EXOSC2: variants seen among roughly 807,000 people sequenced by gnomAD.
EXOSC2 encodes the protein exosome complex component RRP4.
In EXOSC2, 29 loss-of-function variants were observed where a neutral mutation model predicts 37.6. That is an observed-to-expected ratio of 0.77 (90% CI 0.57 to 1.05). The LOEUF is 1.05. Ranked by LOEUF, EXOSC2 falls within the 50% of genes least tolerant of loss-of-function variation. The pLI is 0.00. For synonymous variants in EXOSC2, 119 were observed against 131.1 expected (o/e 0.91, Z 0.63); for missense variants, 346 against 365.6 (o/e 0.95, Z 0.44).
intron 7 of EXOSC2, among the ~76,000 whole-genome samples, chr9:130,702,781 G>A (rs1831246477): frequency 6.6e-6 from 1 of 152,126 alleles, no homozygotes; most frequent in South Asian, 2.1e-4. Flanking sequence ...TTTTAGTAGA[G>A]ATGGGGTTTC....
intron 2 of EXOSC2, 161 bp downstream of exon 2, chr9:130,695,754 C>T: frequency 1.6e-6 from 1 of 631,982 alleles, no homozygotes; most frequent in Non-Finnish European, 2.8e-6. Context: ...CAGATCAGTG[C>T]AGGCTTCAGA....
intron 2 of EXOSC2, among the ~76,000 whole-genome samples, chr9:130,696,567 G>A (rs940516380): frequency 6.7e-6 from 1 of 149,616 alleles, no homozygotes; most frequent in African/African-American, 2.5e-5. Context: ...GTGGAAGGTG[G>A]AGGAGTGATT....
chr9:130,702,594 T>TTTG (rs1479837474), intron 7 of EXOSC2, among the ~76,000 whole-genome samples: 1 of 74,880 alleles, frequency 1.3e-5, no homozygotes, highest in African/African-American at 7.9e-5. Context: ...TGTTTGTTTG[T>TTTG]TTTGTTTTGT....
Position 130,694,016 on chromosome 9 carries a change from C to G in EXOSC2, c.122+103C>G. ...CCTGTGTGTGTAACTCCCCGCGGGACCCAGGGCACTTCGTCTGAGCATCCT... is the reference window on the plus strand; with the variant it reads ...CCTGTGTGTGTAACTCCCCGCGGGAGCCAGGGCACTTCGTCTGAGCATCCT... On this transcript the variant is annotated intron_variant, in intron 1 of 8. Transcript: ENST00000372358. The surrounding 1 kb of genome is among the most constrained non-coding windows in gnomAD (Gnocchi z 4.0). The G allele has an allele frequency of 7.2e-7, 1 of 1,387,062 alleles. No homozygotes were observed. Among genetic ancestry groups the G allele is most frequent in the Non-Finnish European group, 9.6e-7 (1 of 1,039,602 alleles). 85.9% of individuals were successfully genotyped at this position (1,387,062 alleles called of 1,614,324 possible).
Position 130,703,691 on chromosome 9 carries a change from C to T in EXOSC2, c.802-3C>T. On this transcript the variant is annotated splice_polypyrimidine_tract_variant and splice_region_variant and intron_variant, in intron 8 of 8. Coordinates refer to ENST00000372358, the MANE Select transcript of EXOSC2 (RefSeq NM_014285.7). ...CTGAACAAATGCCTTTTCCCTTTTT[C>T]AGATCAAAGACATCTTAAAGCCAGA... 1 of 1,609,544 alleles carries T rather than the reference C, an allele frequency of 6.2e-7. No homozygotes were observed. Among genetic ancestry groups the T allele is most frequent in the Non-Finnish European group, 8.5e-7 (1 of 1,178,270 alleles).
Position 130,699,414 on chromosome 9 carries a change from C to T in EXOSC2, c.426+20C>T. Reference sequence around the variant, plus strand: ...ATCAGTGTATCCTGCGCTTTGCACTCCAGCCTCTTGATGCTTTTCTGTGGG... The same window carrying T: ...ATCAGTGTATCCTGCGCTTTGCACTTCAGCCTCTTGATGCTTTTCTGTGGG... On this transcript the variant is annotated intron_variant, in intron 5 of 8. Coordinates refer to ENST00000372358, the MANE Select transcript of EXOSC2 (RefSeq NM_014285.7). 1 of 1,612,470 alleles carries T rather than the reference C, an allele frequency of 6.2e-7. No individual in the cohort carries two copies. The highest frequency in any genetic ancestry group is 8.5e-7 in the Non-Finnish European group (1 of 1,178,482).
chr9:130,698,415 C>T lies in EXOSC2; in HGVS notation c.360+164C>T, dbSNP rs748793388. Among the ~76,000 whole-genome samples the T allele has an allele frequency of 6.6e-6, 1 of 152,180 alleles. No homozygotes were observed. Among genetic ancestry groups the T allele is most frequent in the Non-Finnish European group, 1.5e-5 (1 of 68,036 alleles). ...CCTAGATGTGTATGTAGACTTTTCA[C>T]CCTGTCCAGGTCTCCCGAAAGAGGG... On this transcript the variant is annotated intron_variant, in intron 4 of 8. Transcript: ENST00000372358. This position sits in a 1 kb window ranked among gnomAD's most constrained non-coding sequence, Gnocchi z 4.1.
intron 3 of EXOSC2, chr9:130,697,828 C>G (rs903026923): frequency 1.0e-4 from 59 of 581,396 alleles, no homozygotes; most frequent in Admixed American, 2.2e-4. Context: ...GAGTCTCGCT[C>G]TGTCGCCCAG....
At chr9:130,695,453 AC>A (rs1369100265) in intron 1 of EXOSC2, 38 bp from the exon 2 acceptor site, 12 of 1,553,982 alleles carry the variant, frequency 7.7e-6, no homozygotes, top group Admixed American at 3.3e-5. Flanking sequence ...ATTTCGAGTT[AC>A]CCTCGTATCC....
chr9:130,701,611 C>T, intron 6 of EXOSC2: 4 of 986,752 alleles, frequency 4.1e-6, no homozygotes, highest in Non-Finnish European at 4.8e-6. Flanking sequence ...AGTATGCTGA[C>T]TTTCACAACC....
In EXOSC2 at chr9:130,693,812, T is replaced by G; in HGVS notation, c.21T>G (p.Leu7=). Residue 7 remains leucine (L), a synonymous_variant, in exon 1 of 9, where the codon CTT becomes CTG. Coordinates refer to ENST00000372358, the MANE Select transcript of EXOSC2 (RefSeq NM_014285.7). ...CCAAGATGGCGATGGAGATGAGGCT[T>G]CCAGTGGCTCGCAAGCCTCTTAGCG... MAMEMR[L]PVARKPLSER... 6.2e-7 allele frequency: 1 copy of G among 1,608,696 alleles called. No individual in the cohort carries two copies. The highest frequency in any genetic ancestry group is 2.2e-5 in the East Asian group (1 of 44,630).
chr9:130,703,594 C>T (rs1014183193), intron 8 of EXOSC2, 100 bp from the exon 9 acceptor site: 1 of 903,770 alleles, frequency 1.1e-6, no homozygotes, highest in Non-Finnish European at 1.7e-6. Flanking sequence ...GAAAGGAATA[C>T]AGAAAGTTTA....
In EXOSC2 at chr9:130,698,305, G is replaced by A. The variant is rs544417118; in HGVS notation, c.360+54G>A. ...AGGGCCCAGTGGGCTGGGGGGAGCCGTGGGACCCTTTGTTCCACCAGAGGA... is the reference window on the plus strand; with the variant it reads ...AGGGCCCAGTGGGCTGGGGGGAGCCATGGGACCCTTTGTTCCACCAGAGGA... On this transcript the variant is annotated intron_variant, in intron 4 of 8. Transcript: ENST00000372358. This position sits in a 1 kb window ranked among gnomAD's most constrained non-coding sequence, Gnocchi z 4.1. The A allele has an allele frequency of 1.8e-4, 277 of 1,525,214 alleles. 1 individual carries two copies. The South Asian group carries it at 2.1e-3, about 11-fold the overall frequency. The allele number at this position is 1,525,214 out of a possible 1,614,324, so 94.5% of individuals were successfully genotyped here.
At chr9:130,700,047 A>T (rs531782908) in intron 5 of EXOSC2, among the ~76,000 whole-genome samples, 10 of 152,142 alleles carry the variant, frequency 6.6e-5, no homozygotes, top group African/African-American at 2.4e-4. Flanking sequence ...TTTTTTAATG[A>T]CGGAGTCTTG....
intron 6 of EXOSC2, 70 bp from the exon 7 acceptor site, chr9:130,702,060 GTATA>G: frequency 6.5e-7 from 1 of 1,538,058 alleles, no homozygotes; most frequent in South Asian, 1.3e-5. Context: ...TACTTAGGAT[GTATA>G]TTCTGTAGTC....
Position 130,702,299 on chromosome 9 carries a change from G to A in EXOSC2, c.661G>A (p.Ala221Thr). Residue 221 changes from alanine (A) to threonine (T), a missense_variant, in exon 7 of 9, where the codon GCA (alanine) becomes ACA (threonine). Physicochemically the swap from Ala to Thr is moderately conservative, Grantham distance 58 (BLOSUM62 0). Coordinates refer to ENST00000372358, the MANE Select transcript of EXOSC2 (RefSeq NM_014285.7). ...HKEEEAGGFI[A>T]NLEPVSLADR... is the part of the protein sequence containing the mutation. ...AGAAGAGGAAGCAGGGGGCTTCATT[G>A]CAAACCTGGAGGTGAGCAAACACTG... 1 of 1,613,728 alleles carries A rather than the reference G, an allele frequency of 6.2e-7. No individual in the cohort carries two copies. Among genetic ancestry groups the A allele is most frequent in the South Asian group, 1.1e-5 (1 of 91,024 alleles).
In EXOSC2 at chr9:130,703,728, A is replaced by C; in HGVS notation, c.836A>C (p.Glu279Ala). 1 of 1,613,838 alleles carries C rather than the reference A, an allele frequency of 6.2e-7. No homozygotes were observed. The highest frequency in any genetic ancestry group is 8.5e-7 in the Non-Finnish European group (1 of 1,179,874). ...ATCTTAAAGCCAGAAATAATGGAGG[A>C]GATTGTGATGGAAACACGCCAGAGG... is the stretch of plus-strand genomic sequence containing the variant. ...KDILKPEIME[E>A]IVMETRQRLL... is the part of the protein sequence containing the mutation. The change falls in exon 9 of 9, where the codon GAG becomes GCG. Residue 279 changes from glutamate to alanine, a missense_variant. Glu to Ala is a moderately radical substitution (Grantham distance 107). Coordinates refer to ENST00000372358, the MANE Select transcript of EXOSC2 (RefSeq NM_014285.7).
intron 6 of EXOSC2, chr9:130,701,744 C>A: frequency 1.2e-6 from 1 of 848,598 alleles, no homozygotes; most frequent in Non-Finnish European, 1.4e-6. Flanking sequence ...ATCTCACAGG[C>A]AAGATGAGTG....
Position 130,703,060 on chromosome 9 carries a change from C to G in EXOSC2, c.680C>G (p.Ser227Cys). 2 of 1,613,532 alleles carry G rather than the reference C, an allele frequency of 1.2e-6. No homozygotes were observed. The highest frequency in any genetic ancestry group is 2.2e-5 in the South Asian group (2 of 91,024). The stretch of plus-strand genomic sequence containing the variant: ...CTCTGTGTCTCCTTATAGCCTGTCT[C>G]TCTTGCTGATCGAGAGGTGATATCC... ...GGFIANLEPV[S>C]LADREVISRL... Residue 227 changes from serine to cysteine, a missense_variant, in exon 8 of 9, where the codon TCT becomes TGT. Physicochemically the swap from Ser to Cys is moderately radical, Grantham distance 112. Transcript: ENST00000372358.
Sources: allele counts gnomAD v4.1 joint callset (sites outside exome capture counted in the v4.1 genomes callset), GRCh38; gene constraint gnomAD v4.1.1; non-coding constraint Gnocchi (gnomAD v3.1); transcripts MANE v1.5; gene names NCBI Gene and HGNC (gene_info 2026-07-23, HGNC 2026-07-21).